The following DPP10 variants were observed in gnomAD, a reference collection of about 807,000 sequenced individuals.
DPP10 encodes inactive dipeptidyl peptidase 10.
In DPP10, 33 loss-of-function variants were observed where a neutral mutation model predicts 120.9. The ratio of observed to expected loss-of-function variants is 0.27; its 90% CI spans 0.21 to 0.37. DPP10 has a LOEUF of 0.37. DPP10 is among the 10% of genes least tolerant of loss of function. DPP10 has a pLI of 1.00. For synonymous variants in DPP10, 337 were observed against 326.1 expected, an observed-to-expected ratio of 1.03 and a Z score of -0.36; for missense variants, 816 against 942.8, an observed-to-expected ratio of 0.87 and a Z score of 1.76.
chr2:115,229,862 T>G (rs1316387069), intron 1 of DPP10, among the ~76,000 whole-genome samples: 1 of 150,908 alleles, frequency 6.6e-6, no homozygotes, highest in Non-Finnish European at 1.5e-5. Context: ...TTTCTTTTCT[T>G]TCTTTTTTTT....
chr2:115,317,630 T>A (rs1156614811), intron 2 of DPP10, among the ~76,000 whole-genome samples: 1 of 151,428 alleles, frequency 6.6e-6, no homozygotes, highest in Non-Finnish European at 1.5e-5. Flanking sequence ...ACTTGTTCTT[T>A]TCTTTTTTTT....
intron 3 of DPP10, among the ~76,000 whole-genome samples, chr2:115,359,071 C>G (rs1275100206): frequency 6.6e-6 from 1 of 152,152 alleles, no homozygotes; most frequent in Non-Finnish European, 1.5e-5. Flanking sequence ...ATGGTTGGGT[C>G]TAGCATTTCA....
At chr2:115,334,932 TCTA>T (rs2106201190) in intron 2 of DPP10, among the ~76,000 whole-genome samples, 1 of 151,916 alleles carries the variant, frequency 6.6e-6, no homozygotes, top group South Asian at 2.1e-4. Flanking sequence ...TTTTTTTGGT[TCTA>T]CTACTGTATT....
intron 1 of DPP10, among the ~76,000 whole-genome samples, chr2:114,688,666 G>T (rs879887507): frequency 1.7e-4 from 26 of 151,942 alleles, no homozygotes; most frequent in Non-Finnish European, 1.2e-4. Context: ...TGTAATCTTG[G>T]CATGTGAGGA....
At chr2:114,788,049 T>C (rs977208311) in intron 1 of DPP10, among the ~76,000 whole-genome samples, 1 of 152,202 alleles carries the variant, frequency 6.6e-6, no homozygotes, top group African/African-American at 2.4e-5. Flanking sequence ...GAAAATTCTT[T>C]GAAGTACCCT....
At chr2:114,630,140 A>G (rs1213765416) in intron 1 of DPP10, among the ~76,000 whole-genome samples, 1 of 152,130 alleles carries the variant, frequency 6.6e-6, no homozygotes, top group Non-Finnish European at 1.5e-5. Context: ...TTCTCTCTCT[A>G]GTGCTCTATA....
chr2:115,476,603 G>A (rs535830842), intron 3 of DPP10, among the ~76,000 whole-genome samples: 1 of 152,236 alleles, frequency 6.6e-6, no homozygotes, highest in South Asian at 2.1e-4. Context: ...TCACTATCAT[G>A]AGGACAGCAC....
intron 1 of DPP10, among the ~76,000 whole-genome samples, chr2:114,524,790 A>G (rs1355142670): frequency 6.6e-6 from 1 of 152,200 alleles, no homozygotes; most frequent in East Asian, 1.9e-4. Flanking sequence ...GAGGGAAGGA[A>G]TCAAGTCCAT....
At chr2:115,426,841 CAA>C (rs1389795974) in intron 3 of DPP10, among the ~76,000 whole-genome samples, 1 of 152,202 alleles carries the variant, frequency 6.6e-6, no homozygotes, top group Non-Finnish European at 1.5e-5. Context: ...TTAACTCACT[CAA>C]GAGTTAATTC....
At chr2:115,516,272 T>C (rs1444344280) in intron 4 of DPP10, among the ~76,000 whole-genome samples, 2 of 152,176 alleles carry the variant, frequency 1.3e-5, no homozygotes, top group African/African-American at 2.4e-5. Flanking sequence ...TTGTTTCTTA[T>C]TGTCATTGTC....
At chr2:114,718,909 G>C (rs1701527371) in intron 1 of DPP10, among the ~76,000 whole-genome samples, 1 of 152,120 alleles carries the variant, frequency 6.6e-6, no homozygotes. Context: ...ATCAGCATTG[G>C]TAGTGACACA....
intron 1 of DPP10, among the ~76,000 whole-genome samples, chr2:115,231,028 GA>G (rs1000888978): frequency 1.3e-5 from 2 of 150,706 alleles, no homozygotes; most frequent in East Asian, 1.9e-4. Context: ...ACATCAAAAA[GA>G]AAAAAAAGAG....
chr2:114,937,483 G>T (rs1387222864), intron 1 of DPP10, among the ~76,000 whole-genome samples: 2 of 152,148 alleles, frequency 1.3e-5, no homozygotes, highest in Non-Finnish European at 2.9e-5. Flanking sequence ...GGCCAGACTC[G>T]CTGCCCAGTT....
chr2:115,220,614 GCAGA>G (rs1208008951), intron 1 of DPP10, among the ~76,000 whole-genome samples: 3 of 152,124 alleles, frequency 2.0e-5, no homozygotes, highest in Non-Finnish European at 4.4e-5. Flanking sequence ...TCATTTGTTT[GCAGA>G]CAATTATGTA....
At chr2:115,152,145 T>G (rs2051599558) in intron 1 of DPP10, among the ~76,000 whole-genome samples, 1 of 152,250 alleles carries the variant, frequency 6.6e-6, no homozygotes, top group Admixed American at 6.5e-5. Flanking sequence ...TAGCAGAAGT[T>G]GGTAAATTTC....
intron 5 of DPP10, among the ~76,000 whole-genome samples, chr2:115,554,397 T>C (rs1379154874): frequency 6.6e-6 from 1 of 151,840 alleles, no homozygotes; most frequent in Admixed American, 6.6e-5. Flanking sequence ...AGCAATGTTA[T>C]TCCTGGGTTT....
chr2:114,485,294 G>A (rs1026741030), intron 1 of DPP10, among the ~76,000 whole-genome samples: 1 of 152,102 alleles, frequency 6.6e-6, no homozygotes, highest in African/African-American at 2.4e-5. Context: ...CTCCCACTGG[G>A]CACTGGCAGA....
At chr2:115,413,422 G>A (rs925589413) in intron 3 of DPP10, among the ~76,000 whole-genome samples, 1 of 152,088 alleles carries the variant, frequency 6.6e-6, no homozygotes. Context: ...AGTGGCAGCC[G>A]CTCCACAGTA....
chr2:115,671,634 T>C (rs1465025917), intron 5 of DPP10, among the ~76,000 whole-genome samples: 1 of 152,150 alleles, frequency 6.6e-6, no homozygotes, highest in Non-Finnish European at 1.5e-5. Flanking sequence ...AGAAAATTTA[T>C]AACTATAATT....
Sources: gnomAD v4.1 joint callset for allele counts (sites outside exome capture counted in the v4.1 genomes callset) on GRCh38, gnomAD v4.1.1 for gene constraint, MANE v1.5 for transcripts, NCBI Gene and HGNC (gene_info 2026-07-23, HGNC 2026-07-21) for gene names.